The following FBXO44 variants were observed in gnomAD, a reference collection of about 807,000 sequenced individuals.
The protein encoded by FBXO44 is F-box only protein 44.
In FBXO44, 25 loss-of-function variants were observed where a neutral mutation model predicts 33.5. The observed-to-expected ratio is 0.75, with a 90% CI of 0.54 to 1.04. The LOEUF (loss-of-function observed/expected upper bound fraction) is 1.04. Ranked by LOEUF, FBXO44 falls within the 50% of genes least tolerant of loss-of-function variation. The pLI is 0.00. For missense variants in FBXO44, 311 were observed against 344.0 expected, an observed-to-expected ratio of 0.90 and a Z score of 0.76; for synonymous variants, 147 against 152.8, an observed-to-expected ratio of 0.96 and a Z score of 0.28.
At chr1:11,660,889 GT>G (rs1178371311) in intron 5 of FBXO44, among the ~76,000 whole-genome samples, 1 of 151,968 alleles carries the variant, frequency 6.6e-6, no homozygotes, top group African/African-American at 2.4e-5. Context: ...ACTTTAGCCT[GT>G]ACTCCTGCCT....
At chr1:11,657,568 C>T (rs1486372104) in intron 2 of FBXO44, among the ~76,000 whole-genome samples, 2 of 151,628 alleles carry the variant, frequency 1.3e-5, no homozygotes, top group Admixed American at 1.3e-4. Flanking sequence ...GGCGAAACAC[C>T]ATCTCTACAA....
At position 11,662,575 on chromosome 1, in the gene FBXO44, TCAG is replaced by T. The variant is rs1427516115; in HGVS notation, c.*1306_*1308del. The stretch of plus-strand genomic sequence containing the variant: ...GCTCTTGAGTCCACCTTGTGCCAGA[TCAG>T]CAGTGCCACCCAGGCTCTGCCTCCT... On this transcript the variant is annotated 3_prime_UTR_variant, in exon 6 of 6. Transcript: ENST00000251547. The T allele has an allele frequency of 6.6e-6, 1 of 152,248 alleles. No homozygotes were observed. The highest frequency in any genetic ancestry group is 2.4e-5 in the African/African-American group (1 of 41,474). The allele number at this position is 152,248 out of a possible 1,614,324, so 9.4% of individuals were successfully genotyped here. A position where few individuals can be genotyped will look rare whatever the true frequency, so the allele number is the denominator to read the frequency against.
chr1:11,660,818 C>T (rs991845512), intron 5 of FBXO44, among the ~76,000 whole-genome samples: 1 of 152,130 alleles, frequency 6.6e-6, no homozygotes, highest in Non-Finnish European at 1.5e-5. Context: ...CACGGTCTCA[C>T]TCTGTTGCCC....
intron 2 of FBXO44, among the ~76,000 whole-genome samples, chr1:11,656,338 C>T (rs111848842): frequency 6.1e-5 from 7 of 114,386 alleles, no homozygotes; most frequent in African/African-American, 1.0e-4. Flanking sequence ...TTTTTTGAGA[C>T]GGAGTTTCAC....
At position 11,658,522 on chromosome 1, in the gene FBXO44, C is replaced by T. The variant is rs773955399; in HGVS notation, c.393-11C>T. On this transcript the variant is annotated splice_polypyrimidine_tract_variant and intron_variant, in intron 3 of 5. Coordinates refer to ENST00000251547, the MANE Select transcript of FBXO44 (RefSeq NM_033182.7). ...GAGCCCAGCCCCTCCCACCCCTCTG[C>T]CTGCCCCCAGCACCTGCCTCAAGTC... 6.2e-7 allele frequency: 1 copy of T among 1,610,954 alleles called. No homozygotes were observed. The highest frequency in any genetic ancestry group is 1.1e-5 in the South Asian group (1 of 90,792).
In FBXO44 at chr1:11,658,578, T is replaced by C. The variant is rs964199576; in HGVS notation, c.438T>C (p.Tyr146=). ...SQVVDLKAEG[Y]WEELMDTTRP... is the part of the protein sequence containing the mutation. ...TGGTGGACCTCAAGGCCGAAGGGTA[T>C]TGGGAGGAGCTGATGGATACCACAC... Residue 146 remains tyrosine, a synonymous_variant, in exon 4 of 6, where the codon TAT becomes TAC. Coordinates refer to ENST00000251547, the MANE Select transcript of FBXO44 (RefSeq NM_033182.7). 4.3e-6 allele frequency: 7 copies of C among 1,613,310 alleles called. No homozygotes were observed. Among genetic ancestry groups the C allele is most frequent in the Non-Finnish European group, 5.9e-6 (7 of 1,179,970 alleles).
Position 11,661,199 on chromosome 1 carries a change from A to G in FBXO44, c.694A>G (p.Thr232Ala). ...CTGGTTTCAGCACGGCGGCGTGGAC[A>G]CTCATTACTGGGCCGGCTGGTACGG... ...YIWFQHGGVD[T>A]HYWAGWYGPR... Residue 232 changes from threonine (T) to alanine (A), a missense_variant, in exon 6 of 6, where the codon ACT (threonine) becomes GCT (alanine). Transcript: ENST00000251547. The surrounding 1 kb of genome is among the most constrained non-coding windows in gnomAD (Gnocchi z 4.4). The G allele has an allele frequency of 6.2e-7, 1 of 1,613,848 alleles. No homozygotes were observed. Among genetic ancestry groups the G allele is most frequent in the Non-Finnish European group, 8.5e-7 (1 of 1,179,980 alleles).
In FBXO44 at chr1:11,661,301, C is replaced by T. The variant is rs755207075; in HGVS notation, c.*28C>T. ...CCCCCTGAGCCCCCATCTGCTGAAC[C>T]CTGACTGGTAAACAACTGCTGTCAG... On this transcript the variant is annotated 3_prime_UTR_variant, in exon 6 of 6. Coordinates refer to ENST00000251547, the MANE Select transcript of FBXO44 (RefSeq NM_033182.7). The surrounding 1 kb of genome is among the most constrained non-coding windows in gnomAD (Gnocchi z 4.4). The T allele has an allele frequency of 2.5e-6, 4 of 1,613,446 alleles. No homozygotes were observed. In the African/African-American group the frequency reaches 5.3e-5, roughly 22 times the overall value.
In FBXO44 at chr1:11,661,140, C is replaced by T. The variant is rs1640157651; in HGVS notation, c.635C>T (p.Thr212Ile). The part of the protein sequence containing the change: ...SDAKWREVSH[T>I]FSNYPPGVRY... Reference sequence around the variant, plus strand: ...TACCTGCCCTGCCAGGTCTCCCACACATTCTCCAACTACCCGCCCGGCGTC... The same window carrying T: ...TACCTGCCCTGCCAGGTCTCCCACATATTCTCCAACTACCCGCCCGGCGTC... Residue 212 changes from threonine (T) to isoleucine (I), a missense_variant, in exon 6 of 6, where the codon ACA becomes ATA. By Grantham distance (89) the Thr-to-Ile change is moderately conservative (BLOSUM62 -1). Transcript: ENST00000251547. This position sits in a 1 kb window ranked among gnomAD's most constrained non-coding sequence, Gnocchi z 4.4. 6.2e-7 allele frequency: 1 copy of T among 1,613,118 alleles called. No homozygotes were observed. Among genetic ancestry groups the T allele is most frequent in the African/African-American group, 1.3e-5 (1 of 75,028 alleles).
At chr1:11,654,477 G>A (rs902322803), upstream of FBXO44, 2 of 810,710 alleles carry the variant, frequency 2.5e-6, no homozygotes, top group African/African-American at 1.8e-5. Flanking sequence ...GACCCGACCC[G>A]CCCCGCCCCG....
chr1:11,659,156 G>C (rs1640023855), intron 5 of FBXO44, among the ~76,000 whole-genome samples: 2 of 152,252 alleles, frequency 1.3e-5, no homozygotes, highest in South Asian at 4.1e-4. Context: ...GGGAGGCCCA[G>C]GTAGGCAGAT....
In FBXO44 at chr1:11,661,160, G is replaced by C. The variant is rs199617492; in HGVS notation, c.655G>C (p.Gly219Arg). 13 of 1,613,494 alleles carry C rather than the reference G, an allele frequency of 8.1e-6. No individual in the cohort carries two copies. The highest frequency in any genetic ancestry group is 2.2e-5 in the East Asian group (1 of 44,844). ...CCACACATTCTCCAACTACCCGCCC[G>C]GCGTCCGCTACATCTGGTTTCAGCA... ...VSHTFSNYPP[G>R]VRYIWFQHGG... The change falls in exon 6 of 6, where the codon GGC becomes CGC. Residue 219 changes from glycine (G) to arginine (R), a missense_variant. Transcript: ENST00000251547. This position sits in a 1 kb window ranked among gnomAD's most constrained non-coding sequence, Gnocchi z 4.4.
chr1:11,658,183 CAG>C, intron 2 of FBXO44, 82 bp from the exon 3 acceptor site: 1 of 1,596,844 alleles, frequency 6.3e-7, no homozygotes, highest in Admixed American at 1.8e-5. Context: ...AAGATGCAGG[CAG>C]AGGAGTGGGG....
Position 11,659,839 on chromosome 1 carries a change from C to G in FBXO44, c.624+968C>G, listed in dbSNP as rs80183858. Among the ~76,000 whole-genome samples the G allele has an allele frequency of 3.3e-5, 5 of 152,326 alleles. No homozygotes were observed. In the East Asian group the frequency reaches 9.7e-4, roughly 29 times the overall value. ...AAATGGCGGATACGAATATTTTAGG[C>G]TTTGCAGGTCACATTGTCTCTGTCA... On this transcript the variant is annotated intron_variant, in intron 5 of 5. Coordinates refer to ENST00000251547, the MANE Select transcript of FBXO44 (RefSeq NM_033182.7).
intron 2 of FBXO44, among the ~76,000 whole-genome samples, chr1:11,656,903 G>A (rs1463462728): frequency 1.3e-5 from 2 of 152,192 alleles, no homozygotes; most frequent in South Asian, 2.1e-4. Flanking sequence ...AGGCTCCAGG[G>A]TTGGGCCTAC....
chr1:11,662,954 C>CT lies in FBXO44; in HGVS notation c.*1701dup, dbSNP rs60133415. ...GTAAGTTCCTTTTTTCTTTTCTTTT[C>CT]TTTTTTTTTTTTTTTTTTTTGAGAT... On this transcript the variant is annotated 3_prime_UTR_variant, in exon 6 of 6. Transcript: ENST00000251547. The CT allele has an allele frequency of 0.017, 2,177 of 126,482 alleles. 31 individuals carry two copies. Among genetic ancestry groups the CT allele is most frequent in the Non-Finnish European group, 0.023 (1,409 of 61,948 alleles). The allele number at this position is 126,482 out of a possible 1,614,324, so 7.8% of individuals were successfully genotyped here. A position where few individuals can be genotyped will look rare whatever the true frequency, so the allele number is the denominator to read the frequency against.
At chr1:11,655,674 T>C in intron 1 of FBXO44, 132 bp from the exon 2 acceptor site, 2 of 913,420 alleles carry the variant, frequency 2.2e-6, no homozygotes, top group Non-Finnish European at 3.2e-6. Flanking sequence ...CCCAAGCTCC[T>C]TGGACCGCCC....
chr1:11,656,181 C>T lies in FBXO44; in HGVS notation c.265+81C>T, dbSNP rs868431828. 3.0e-5 allele frequency: 46 copies of T among 1,550,980 alleles called. 1 individual carries two copies. The Middle Eastern group carries it at 7.0e-4, about 24-fold the overall frequency. Reference sequence around the variant, plus strand: ...CATGTATTGAGCACTTAGTATGAGCCGGGTACTTTGGATGGTTTAACACCT... The same window carrying T: ...CATGTATTGAGCACTTAGTATGAGCTGGGTACTTTGGATGGTTTAACACCT... On this transcript the variant is annotated intron_variant, in intron 2 of 5. Transcript: ENST00000251547.
intron 2 of FBXO44, among the ~76,000 whole-genome samples, chr1:11,657,515 G>A (rs556266322): frequency 1.7e-4 from 26 of 152,274 alleles, no homozygotes; most frequent in African/African-American, 6.3e-4. Flanking sequence ...CAAGGTGGGT[G>A]GATCATCTGA....
Sources: gnomAD v4.1 joint callset for allele counts (sites outside exome capture counted in the v4.1 genomes callset) on GRCh38, gnomAD v4.1.1 for gene constraint, Gnocchi (gnomAD v3.1) non-coding constraint, MANE v1.5 for transcripts, NCBI Gene and HGNC (gene_info 2026-07-23, HGNC 2026-07-21) for gene names.